BNC2: variants seen among roughly 807,000 people sequenced by gnomAD.
The protein encoded by BNC2 is basonuclin zinc finger protein 2, also known as zinc finger protein basonuclin-2.
In BNC2, 20 loss-of-function variants were observed where a neutral mutation model predicts 76.3. That is an observed-to-expected ratio of 0.26 (90% CI 0.18 to 0.38). BNC2 has a LOEUF of 0.38. Among genes scored for constraint, BNC2 ranks in the 10% least tolerant of loss-of-function variants. The probability of loss-of-function intolerance (pLI) is 1.00; values close to 1 mark genes in which losing one functional copy is unlikely to be tolerated. For missense variants in BNC2, 1,382 were observed against 1,399.8 expected, an observed-to-expected ratio of 0.99 and a Z score of 0.20; for synonymous variants, 582 against 514.8, an observed-to-expected ratio of 1.13 and a Z score of -1.77.
At chr9:16,482,106 G>C (rs80093082) in intron 5 of BNC2, among the ~76,000 whole-genome samples, 1 of 152,052 alleles carries the variant, frequency 6.6e-6, no homozygotes, top group Admixed American at 6.5e-5. Context: ...AAAAATATTA[G>C]TAATAATAGA....
intron 3 of BNC2, among the ~76,000 whole-genome samples, chr9:16,679,776 A>G (rs114821504): frequency 0.011 from 1,628 of 152,346 alleles, 34 homozygotes; most frequent in African/African-American, 0.032. Context: ...TGCATTAGCA[A>G]GGGCACATTA....
At chr9:16,600,030 AC>A (rs554448984) in intron 3 of BNC2, among the ~76,000 whole-genome samples, 2 of 152,114 alleles carry the variant, frequency 1.3e-5, no homozygotes, top group Non-Finnish European at 2.9e-5. Flanking sequence ...CATATTTAAA[AC>A]CCTGATATAT....
chr9:16,532,721 T>TA (rs1355355527), intron 5 of BNC2, among the ~76,000 whole-genome samples: 1 of 152,242 alleles, frequency 6.6e-6, no homozygotes, highest in East Asian at 1.9e-4. Flanking sequence ...TATGTTCTTA[T>TA]AATTATTTGA....
rs1822827195 is a variant in BNC2, at chr9:16,681,733, C to T, written c.330+46064G>A. ...CATGCAGTCACTTGACTTGTTAAAG[C>T]TGCAGTGTATGTACATTTTTCAAAT... On this transcript the variant is annotated intron_variant, in intron 3 of 6. Transcript: ENST00000380672. Among the ~76,000 whole-genome samples the T allele has an allele frequency of 2.0e-5, 3 of 152,170 alleles. 1 individual carries two copies. The highest frequency in any genetic ancestry group is 6.5e-5 in the Admixed American group (1 of 15,270).
intron 5 of BNC2, among the ~76,000 whole-genome samples, chr9:16,443,168 T>C (rs900650956): frequency 2.0e-5 from 3 of 148,502 alleles, no homozygotes; most frequent in Admixed American, 6.7e-5. Flanking sequence ...TAATGGAAAA[T>C]ACTAAAATGA....
Position 16,436,439 on chromosome 9 carries a change from A to G in BNC2, c.1755T>C (p.Pro585=), listed in dbSNP as rs757153034. The stretch of plus-strand genomic sequence containing the variant: ...TGGGACTGGTTGGGAGGGAGGTTGG[A>G]GGACTCACCATTTCCCCTGGAGTGA... ...SLLTPGEMVS[P]PTSLPTSPII... is the part of the protein sequence containing the mutation. Residue 585 remains proline (P), a synonymous_variant, in exon 6 of 7, where the codon CCT becomes CCC. Transcript: ENST00000380672. 17 of 1,613,968 alleles carry G rather than the reference A, an allele frequency of 1.1e-5. No homozygotes were observed. In the East Asian group the frequency reaches 3.8e-4, roughly 36 times the overall value.
chr9:16,844,033 G>C (rs149955217), intron 1 of BNC2, among the ~76,000 whole-genome samples: 1 of 152,102 alleles, frequency 6.6e-6, no homozygotes, highest in Non-Finnish European at 1.5e-5. Flanking sequence ...TACGAAGCAC[G>C]AGGATAGCTC....
At chr9:16,441,052 G>A (rs73415428) in intron 5 of BNC2, among the ~76,000 whole-genome samples, 4,760 of 152,082 alleles carry the variant, frequency 0.031, 250 homozygotes, top group African/African-American at 0.11. Flanking sequence ...TTGGCTGCGC[G>A]TTGTGGCTCA....
At chr9:16,591,015 G>A (rs543351062) in intron 3 of BNC2, among the ~76,000 whole-genome samples, 3 of 152,276 alleles carry the variant, frequency 2.0e-5, no homozygotes, top group East Asian at 3.9e-4. Flanking sequence ...TATAGGTTGT[G>A]TATGATATGC....
At chr9:16,449,211 T>G (rs2131031194) in intron 5 of BNC2, among the ~76,000 whole-genome samples, 1 of 152,316 alleles carries the variant, frequency 6.6e-6, no homozygotes, top group South Asian at 2.1e-4. Flanking sequence ...GTCCTGACTT[T>G]CTAAGCAGCC....
intron 1 of BNC2, among the ~76,000 whole-genome samples, chr9:16,788,719 G>A (rs1232578533): frequency 1.3e-5 from 2 of 152,060 alleles, no homozygotes; most frequent in Non-Finnish European, 2.9e-5. Flanking sequence ...TAGCAAATTT[G>A]ATCCTGGCAA....
chr9:16,412,756 A>AGAGAGAGAGAGAGAGG lies in BNC2; in HGVS notation c.*6232_*6233insCCTCTCTCTCTCTCTC, dbSNP rs1820496560. 2.6e-5 allele frequency: 3 copies of AGAGAGAGAGAGAGAGG among 114,998 alleles called. No homozygotes were observed. Among genetic ancestry groups the AGAGAGAGAGAGAGAGG allele is most frequent in the Admixed American group, 2.6e-4 (3 of 11,730 alleles). The allele number at this position is 114,998 out of a possible 1,614,324, so 7.1% of individuals were successfully genotyped here. On this transcript the variant is annotated 3_prime_UTR_variant, in exon 7 of 7. Transcript: ENST00000380672. The stretch of plus-strand genomic sequence containing the variant: ...GAGAGAGAGAGAGAGAGAGAGAGAG[A>AGAGAGAGAGAGAGAGG]GAGAGAGAGACTGACTGATTGTGGA...
At chr9:16,727,743 A>G (rs866376967) in intron 3 of BNC2, 54 bp downstream of exon 3, 1 of 1,500,208 alleles carries the variant, frequency 6.7e-7, no homozygotes, top group African/African-American at 1.4e-5. Flanking sequence ...GCCCATAACA[A>G]TTCAAGGTTT....
chr9:16,624,869 GC>G (rs1384082898), intron 3 of BNC2, among the ~76,000 whole-genome samples: 1 of 152,050 alleles, frequency 6.6e-6, no homozygotes, highest in Non-Finnish European at 1.5e-5. Context: ...GTTTTTCAAG[GC>G]CAGCAAGCAC....
rs1563888026 is a variant in BNC2 at position 16,665,474 on chromosome 9, GAA to G, written c.330+62321_330+62322del. Among the ~76,000 whole-genome samples, 466 of 140,870 alleles carry G rather than the reference GAA, an allele frequency of 3.3e-3. 5 individuals are homozygous for G. Among genetic ancestry groups the G allele is most frequent in the African/African-American group, 0.011 (392 of 35,380 alleles). The allele number at this position is 140,870 out of a possible 152,430, so 92.4% of individuals were successfully genotyped here. ...AGAAAGAAAGAAAGAAAGAAAGAAA[GAA>G]AGAAAGAAAGAAAGAGAGAGAGAGA... is the stretch of plus-strand genomic sequence containing the variant. On this transcript the variant is annotated intron_variant, in intron 3 of 6. Transcript: ENST00000380672.
At chr9:16,425,089 A>G (rs936076710) in intron 6 of BNC2, among the ~76,000 whole-genome samples, 12 of 152,218 alleles carry the variant, frequency 7.9e-5, no homozygotes, top group South Asian at 2.1e-4. Flanking sequence ...AAGGAAGTAC[A>G]TATTAAATGC....
At chr9:16,449,850 A>G (rs12342556) in intron 5 of BNC2, among the ~76,000 whole-genome samples, 8,209 of 117,834 alleles carry the variant, frequency 0.07, 226 homozygotes, top group Middle Eastern at 0.11. Context: ...GCGGGGGGGG[A>G]GGGTAACTAA....
At chr9:16,568,212 C>T (rs1397035489) in intron 4 of BNC2, among the ~76,000 whole-genome samples, 3 of 152,112 alleles carry the variant, frequency 2.0e-5, no homozygotes, top group African/African-American at 7.2e-5. Context: ...AATAGATTAA[C>T]ATTTAACACA....
At chr9:16,799,141 A>C (rs1817725231) in intron 1 of BNC2, among the ~76,000 whole-genome samples, 1 of 152,148 alleles carries the variant, frequency 6.6e-6, no homozygotes. Context: ...CGATTCTACA[A>C]GTAATACACT....
Sources: gnomAD v4.1 joint callset for allele counts (sites outside exome capture counted in the v4.1 genomes callset) on GRCh38, gnomAD v4.1.1 for gene constraint, MANE v1.5 for transcripts, NCBI Gene and HGNC (gene_info 2026-07-23, HGNC 2026-07-21) for gene names.